Variants in CACNA2D1 observed in about 807,000 individuals in gnomAD.
The protein encoded by CACNA2D1 is voltage-dependent calcium channel subunit alpha-2/delta-1.
In CACNA2D1, 53 loss-of-function variants were observed where a neutral mutation model predicts 171.5. The ratio of observed to expected loss-of-function variants is 0.31; its 90% CI spans 0.25 to 0.39. The LOEUF is 0.39. Ranked by LOEUF, CACNA2D1 falls within the 10% of genes least tolerant of loss-of-function variation. CACNA2D1 has a pLI of 1.00. For missense variants in CACNA2D1, 903 were observed against 1,299.8 expected (o/e 0.69, Z 4.69); for synonymous variants, 442 against 443.1 (o/e 1.00, Z 0.03).
chr7:82,028,943 C>T (rs1156735438), intron 12 of CACNA2D1: 1 of 151,842 alleles, frequency 6.6e-6, no homozygotes, highest in East Asian at 1.9e-4. Context: ...ATTAGATGAA[C>T]TTATTTGATA....
At position 82,443,464 on chromosome 7, in the gene CACNA2D1, G is replaced by A. The variant is rs775722585; in HGVS notation, c.-5C>T. On this transcript the variant is annotated 5_prime_UTR_variant, in exon 1 of 39. Transcript: ENST00000356860. ...CAGCAGGCAGCCAGCAGCCATCTTC[G>A]CGATCGAAGATCAATGCCCCCTCCC... is the stretch of plus-strand genomic sequence containing the variant. 2 of 1,607,042 alleles carry A rather than the reference G, an allele frequency of 1.2e-6. No homozygotes were observed. Among genetic ancestry groups the A allele is most frequent in the South Asian group, 1.1e-5 (1 of 90,372 alleles).
chr7:82,111,154 A>G (rs1207752922), intron 6 of CACNA2D1, among the ~76,000 whole-genome samples: 2 of 151,082 alleles, frequency 1.3e-5, no homozygotes, highest in Non-Finnish European at 2.9e-5. Flanking sequence ...GTTAGTTTTA[A>G]TTAATAAAAT....
At chr7:82,167,238 T>A (rs924847856) in intron 4 of CACNA2D1, among the ~76,000 whole-genome samples, 7 of 152,062 alleles carry the variant, frequency 4.6e-5, no homozygotes, top group Non-Finnish European at 1.0e-4. Context: ...ATAAAATTTA[T>A]CTTCAAATTA....
chr7:82,085,844 ATGTAGGATATAATATGGGTTAAG>A (rs1195648237), intron 6 of CACNA2D1, among the ~76,000 whole-genome samples: 7 of 152,160 alleles, frequency 4.6e-5, no homozygotes, highest in African/African-American at 1.7e-4. Context: ...AGCAATTATA[ATGTAGGATATAATATGGGTTAAG>A]TGTAAGATAT....
At chr7:81,995,149 T>C (rs201046125) in intron 19 of CACNA2D1, among the ~76,000 whole-genome samples, 1 of 152,178 alleles carries the variant, frequency 6.6e-6, no homozygotes, top group African/African-American at 2.4e-5. Flanking sequence ...TTTAAAATAA[T>C]AAAACACCCT....
At chr7:82,104,223 T>A (rs187965774) in intron 6 of CACNA2D1, among the ~76,000 whole-genome samples, 1 of 152,050 alleles carries the variant, frequency 6.6e-6, no homozygotes, top group South Asian at 2.1e-4. Context: ...AATAAATGAA[T>A]GAAAAGAGGA....
rs1234357846 is a variant in CACNA2D1, at chr7:82,408,460, TTGTA to T, written c.95+34901_95+34904del. Reference sequence around the variant, plus strand: ...ACCTGACTTACTAATGTATGATACTTTGTATGACATCTGAATATATGAAACTCTT... The same window carrying T: ...ACCTGACTTACTAATGTATGATACTTTGACATCTGAATATATGAAACTCTT... On this transcript the variant is annotated intron_variant, in intron 1 of 38. Transcript: ENST00000356860. Among the ~76,000 whole-genome samples the T allele has an allele frequency of 2.0e-5, 3 of 152,134 alleles. No homozygotes were observed. In the East Asian group the frequency reaches 5.8e-4, roughly 29 times the overall value.
At chr7:82,013,589 A>G in intron 13 of CACNA2D1, 79 bp from the exon 14 acceptor site, 1 of 497,016 alleles carries the variant, frequency 2.0e-6, no homozygotes. Flanking sequence ...TTTTATAAAT[A>G]TTTTATAAAG....
intron 1 of CACNA2D1, among the ~76,000 whole-genome samples, chr7:82,366,592 G>GGTGC (rs111666051): frequency 4.0e-5 from 6 of 151,578 alleles, no homozygotes; most frequent in Non-Finnish European, 7.4e-5. Flanking sequence ...TTTCATGGCA[G>GGTGC]GTATCACATT....
intron 3 of CACNA2D1, among the ~76,000 whole-genome samples, chr7:82,190,819 A>G (rs1044011468): frequency 6.6e-6 from 1 of 151,686 alleles, no homozygotes; most frequent in African/African-American, 2.4e-5. Context: ...ATTTTACAGA[A>G]TGACAAACTA....
intron 4 of CACNA2D1, among the ~76,000 whole-genome samples, chr7:82,146,722 C>T (rs1332438780): frequency 6.6e-6 from 1 of 151,082 alleles, no homozygotes; most frequent in East Asian, 1.9e-4. Context: ...CGCCTTGACT[C>T]AGGCCTGTAA....
intron 3 of CACNA2D1, among the ~76,000 whole-genome samples, chr7:82,286,410 C>A (rs1401806283): frequency 6.6e-6 from 1 of 152,128 alleles, no homozygotes; most frequent in Non-Finnish European, 1.5e-5. Context: ...TACTAAAACA[C>A]ACACACACCC....
chr7:82,300,417 G>T (rs983089457), intron 3 of CACNA2D1, among the ~76,000 whole-genome samples: 9 of 151,930 alleles, frequency 5.9e-5, no homozygotes, highest in Admixed American at 5.2e-4. Context: ...AATTTGAAAA[G>T]CTCTTTCATC....
chr7:82,400,953 A>G (rs1303659102), intron 1 of CACNA2D1, among the ~76,000 whole-genome samples: 1 of 152,200 alleles, frequency 6.6e-6, no homozygotes, highest in Non-Finnish European at 1.5e-5. Context: ...ACACATGAAA[A>G]AATGCTCATC....
Position 82,013,463 on chromosome 7 carries a change from G to T in CACNA2D1, c.1270C>A (p.Gln424Lys). ...PSIGAIRINT[Q>K]EYLDVLGRPM... ...AAACAAGTTTTAAATAATCATACCT[G>T]AGTATTGATTCTTATTGCACCAATG... The change falls in exon 14 of 39, where the codon CAG becomes AAG. Residue 424 changes from glutamine to lysine, a missense_variant and splice_region_variant. Transcript: ENST00000356860. 2 of 1,096,904 alleles carry T rather than the reference G, an allele frequency of 1.8e-6. No homozygotes were observed. The highest frequency in any genetic ancestry group is 1.8e-5 in the South Asian group (1 of 56,740). The allele number at this position is 1,096,904 out of a possible 1,614,324, so 67.9% of individuals were successfully genotyped here.
intron 38 of CACNA2D1, among the ~76,000 whole-genome samples, chr7:81,958,621 C>T (rs900223789): frequency 4.0e-5 from 6 of 151,884 alleles, no homozygotes; most frequent in African/African-American, 1.4e-4. Context: ...AGAAAGATAG[C>T]TGAACTATAG....
intron 31 of CACNA2D1, 22 bp downstream of exon 31, chr7:81,967,147 T>A: frequency 6.3e-7 from 1 of 1,581,332 alleles, no homozygotes; most frequent in Middle Eastern, 1.7e-4. Context: ...TACTCAAAAG[T>A]GATTTTAAAT....
At chr7:82,105,633 C>G (rs1352171976) in intron 6 of CACNA2D1, among the ~76,000 whole-genome samples, 1 of 152,052 alleles carries the variant, frequency 6.6e-6, no homozygotes, top group Non-Finnish European at 1.5e-5. Flanking sequence ...TATGACTCAT[C>G]TGGGGACTTC....
intron 38 of CACNA2D1, 139 bp from the exon 39 acceptor site, chr7:81,950,647 T>C: frequency 8.2e-7 from 1 of 1,221,094 alleles, no homozygotes; most frequent in Non-Finnish European, 1.1e-6. Context: ...GTAATTGAAA[T>C]CCAAAGAAAT....
Sources: allele counts gnomAD v4.1 joint callset (sites outside exome capture counted in the v4.1 genomes callset), GRCh38; gene constraint gnomAD v4.1.1; transcripts MANE v1.5; gene names NCBI Gene and HGNC (gene_info 2026-07-23, HGNC 2026-07-21).